XRCC1: variants seen among roughly 807,000 people sequenced by gnomAD.
XRCC1 encodes the protein X-ray repair cross complementing 1, also known as DNA repair protein XRCC1.
Under a neutral mutation model 83.3 loss-of-function variants are expected in XRCC1, and 52 were observed. That is an observed-to-expected ratio of 0.62 (90% CI 0.50 to 0.79). The LOEUF (loss-of-function observed/expected upper bound fraction) is 0.79, where lower values mean the gene tolerates loss of function less well. Ranked by LOEUF, XRCC1 falls within the 30% of genes least tolerant of loss-of-function variation. The pLI is 0.00. For synonymous variants in XRCC1, 281 were observed against 312.6 expected, an observed-to-expected ratio of 0.90 and a Z score of 1.07; for missense variants, 793 against 823.5, an observed-to-expected ratio of 0.96 and a Z score of 0.45.
chr19:43,554,802 G>A lies in XRCC1; in HGVS notation c.258C>T (p.Val86=), dbSNP rs767160532. 4 of 1,609,968 alleles carry A rather than the reference G, an allele frequency of 2.5e-6. No homozygotes were observed. The African/African-American group carries it at 4.0e-5, about 16-fold the overall frequency. ...ACATGAAAGATGAGGTGACCAGAAGGACCTGGGTGGGAGAAGCCACAGTGC... is the reference window on the plus strand; with the variant it reads ...ACATGAAAGATGAGGTGACCAGAAGAACCTGGGTGGGAGAAGCCACAGTGC... ...AGGAGEQDYE[V]LLVTSSFMSP... The change falls in exon 4 of 17, where the codon GTC becomes GTT. Residue 86 remains valine, a splice_region_variant and synonymous_variant. Transcript: ENST00000262887.
At chr19:43,565,324 C>G (rs1844053326) in intron 2 of XRCC1, among the ~76,000 whole-genome samples, 1 of 152,290 alleles carries the variant, frequency 6.6e-6, no homozygotes, top group Non-Finnish European at 1.5e-5. Flanking sequence ...TCTGTTACGA[C>G]TCCAGTTTCA....
At chr19:43,548,049 G>GGGCCAGCCCTCGCCC (rs543968194) in intron 10 of XRCC1, among the ~76,000 whole-genome samples, 1 of 118,902 alleles carries the variant, frequency 8.4e-6, no homozygotes, top group Non-Finnish European at 1.8e-5. Flanking sequence ...GGGAGGTGGG[G>GGGCCAGCCCTCGCCC]GGCCAGCCGC....
chr19:43,561,027 G>T lies in XRCC1; in HGVS notation c.145-7C>A, dbSNP rs35954161. On this transcript the variant is annotated splice_region_variant and splice_polypyrimidine_tract_variant and intron_variant, in intron 2 of 16. Transcript: ENST00000262887. ...TCTGCTCCTCCTTCTCCAACTGTGG[G>T]CAGAGAGAGAGGCCACTGTCAGTGC... 1 of 1,610,754 alleles carries T rather than the reference G, an allele frequency of 6.2e-7. No homozygotes were observed. Among genetic ancestry groups the T allele is most frequent in the South Asian group, 1.1e-5 (1 of 91,040 alleles).
Position 43,543,349 on chromosome 19 carries a change from T to TGC in XRCC1, c.*42_*43insGC. On this transcript the variant is annotated 3_prime_UTR_variant, in exon 17 of 17. Coordinates refer to ENST00000262887, the MANE Select transcript of XRCC1 (RefSeq NM_006297.3). ...ATCTTTATTAAATGCATCGTGTGTGTGTGTGTGTGTGTGTGTGTGTGTGTG... is the reference window on the plus strand; with the variant it reads ...ATCTTTATTAAATGCATCGTGTGTGTGCGTGTGTGTGTGTGTGTGTGTGTGTG... 1 of 1,062,554 alleles carries TGC rather than the reference T, an allele frequency of 9.4e-7. No homozygotes were observed. Among genetic ancestry groups the TGC allele is most frequent in the South Asian group, 1.6e-5 (1 of 64,510 alleles). The allele number at this position is 1,062,554 out of a possible 1,614,324, so 65.8% of individuals were successfully genotyped here.
chr19:43,553,179 C>A, intron 6 of XRCC1, 88 bp from the exon 7 acceptor site: 1 of 1,391,958 alleles, frequency 7.2e-7, no homozygotes, highest in South Asian at 1.3e-5. Context: ...ATATTGTTGC[C>A]AAAACCCACC....
At chr19:43,552,713 T>G in intron 8 of XRCC1, 84 bp downstream of exon 8, 1 of 1,294,266 alleles carries the variant, frequency 7.7e-7, no homozygotes, top group Non-Finnish European at 1.1e-6. Context: ...CTCCCTCAGA[T>G]TCAGGACAGC....
chr19:43,549,641 G>A (rs762430438), intron 10 of XRCC1, among the ~76,000 whole-genome samples: 6 of 151,936 alleles, frequency 3.9e-5, no homozygotes, highest in Non-Finnish European at 7.4e-5. Context: ...ATTGCAGCCT[G>A]AACCTCCTGG....
At chr19:43,548,315 G>A (rs1250240588) in intron 10 of XRCC1, among the ~76,000 whole-genome samples, 5 of 152,140 alleles carry the variant, frequency 3.3e-5, no homozygotes, top group Admixed American at 2.0e-4. Context: ...TGACGATGGC[G>A]GTTTTGTGGA....
At chr19:43,573,380 C>T (rs1237677004) in intron 2 of XRCC1, among the ~76,000 whole-genome samples, 1 of 152,108 alleles carries the variant, frequency 6.6e-6, no homozygotes, top group African/African-American at 2.4e-5. Context: ...GCATTTAAGG[C>T]CCTTGCTGAA....
intron 2 of XRCC1, among the ~76,000 whole-genome samples, chr19:43,568,448 G>A (rs1268974331): frequency 6.6e-6 from 1 of 151,938 alleles, no homozygotes; most frequent in Non-Finnish European, 1.5e-5. Context: ...AGTGAGCCAC[G>A]ATCGCACTAC....
At position 43,551,596 on chromosome 19, in the gene XRCC1, T is replaced by C. The variant is rs1315022021; in HGVS notation, c.1174A>G (p.Met392Val). The change falls in exon 10 of 17, where the codon ATG becomes GTG. Residue 392 changes from methionine (M) to valine (V), a missense_variant. Physicochemically the swap from Met to Val is conservative, Grantham distance 21. Coordinates refer to ENST00000262887, the MANE Select transcript of XRCC1 (RefSeq NM_006297.3). ...RKEWVLDCHR[M>V]RRRLPSQRYL... ...CTCTGGGAGGGCAGCCGCCGACGCA[T>C]GCGGTGACAGTCCAGCACCCACTCC... 1.9e-6 allele frequency: 3 copies of C among 1,614,164 alleles called. No homozygotes were observed. Among genetic ancestry groups the C allele is most frequent in the Non-Finnish European group, 2.5e-6 (3 of 1,180,014 alleles).
intron 10 of XRCC1, among the ~76,000 whole-genome samples, chr19:43,549,248 T>C (rs1041920250): frequency 6.6e-6 from 1 of 152,092 alleles, no homozygotes; most frequent in African/African-American, 2.4e-5. Context: ...CTTCCTTCTA[T>C]AGTTGAATTT....
At position 43,551,626 on chromosome 19, in the gene XRCC1, G is replaced by T; in HGVS notation, c.1144C>A (p.Arg382Ser). The change falls in exon 10 of 17, where the codon CGT (arginine) becomes AGT (serine). Residue 382 changes from arginine to serine, a missense_variant. Arg to Ser is a moderately radical substitution (Grantham distance 110, BLOSUM62 -1). Coordinates refer to ENST00000262887, the MANE Select transcript of XRCC1 (RefSeq NM_006297.3). ...TGACAGTCCAGCACCCACTCCTTAC[G>T]CACGATGCGGCCTCCCAGGCCTAGG... ...QVLGLGGRIVRKEWVLDCHRM... is the reference protein window; with the variant it reads ...QVLGLGGRIVSKEWVLDCHRM... The T allele has an allele frequency of 1.9e-6, 3 of 1,614,228 alleles. No homozygotes were observed. Among genetic ancestry groups the T allele is most frequent in the Non-Finnish European group, 2.5e-6 (3 of 1,180,040 alleles).
chr19:43,553,188 C>T, intron 6 of XRCC1, 97 bp from the exon 7 acceptor site: 1 of 1,339,962 alleles, frequency 7.5e-7, no homozygotes, highest in Non-Finnish European at 1.0e-6. Context: ...CCAAAACCCA[C>T]CAGTGATCCA....
At chr19:43,555,587 G>A (rs956272792) in intron 3 of XRCC1, 1 of 152,194 alleles carries the variant, frequency 6.6e-6, no homozygotes, top group African/African-American at 2.4e-5. Context: ...CTCCTCAAAC[G>A]ATCTGAATTT....
At chr19:43,564,198 T>C (rs1972729263) in intron 2 of XRCC1, among the ~76,000 whole-genome samples, 1 of 152,174 alleles carries the variant, frequency 6.6e-6, no homozygotes, top group Non-Finnish European at 1.5e-5. Flanking sequence ...GCTGCGAATA[T>C]CATTAACACA....
intron 10 of XRCC1, 113 bp downstream of exon 10, chr19:43,551,458 C>T: frequency 1.1e-6 from 1 of 929,514 alleles, no homozygotes; most frequent in Non-Finnish European, 1.7e-6. Flanking sequence ...TCTGCTGGCT[C>T]TGGGCTGGGA....
At chr19:43,553,361 T>A in intron 6 of XRCC1, 40 bp downstream of exon 6, 1 of 1,605,086 alleles carries the variant, frequency 6.2e-7, no homozygotes, top group South Asian at 1.1e-5. Context: ...AGTCTAGGTC[T>A]CAACCCTACT....
At chr19:43,570,159 C>T (rs3213274) in intron 2 of XRCC1, among the ~76,000 whole-genome samples, 2,193 of 152,246 alleles carry the variant, frequency 0.014, 51 homozygotes, top group African/African-American at 0.05. Flanking sequence ...ACCACAGTGG[C>T]GAACTGAGTG....
Sources: gnomAD v4.1 joint callset for allele counts (sites outside exome capture counted in the v4.1 genomes callset) on GRCh38, gnomAD v4.1.1 for gene constraint, MANE v1.5 for transcripts, NCBI Gene and HGNC (gene_info 2026-07-23, HGNC 2026-07-21) for gene names.